CACNA1F: variants seen among roughly 807,000 people sequenced by gnomAD.
CACNA1F encodes the protein voltage-dependent L-type calcium channel subunit alpha-1F.
In CACNA1F, 59 loss-of-function variants were observed where a neutral mutation model predicts 143.8. That is an observed-to-expected ratio of 0.41 (90% CI 0.33 to 0.51). The LOEUF is 0.51. CACNA1F is among the 20% of genes least tolerant of loss of function. The probability of loss-of-function intolerance (pLI) is 0.22; values close to 1 mark genes in which losing one functional copy is unlikely to be tolerated. For missense variants in CACNA1F, 1,411 were observed against 1,647.5 expected (o/e 0.86, Z 2.48); for synonymous variants, 643 against 649.1 (o/e 0.99, Z 0.14).
Position 49,205,668 on chromosome X carries a change from T to C in CACNA1F, c.5618A>G (p.His1873Arg), listed in dbSNP as rs2065587174. 8.3e-7 allele frequency: 1 copy of C among 1,202,880 alleles called. No individual in the cohort carries two copies. The change falls in exon 47 of 48, where the codon CAC becomes CGC. Residue 1873 changes from histidine (H) to arginine (R), a missense_variant. Around this residue, in one of 3 missense-constraint regions of CACNA1F, gnomAD observed 349 missense variants for 350.2 expected, o/e 1.00. Coordinates refer to ENST00000323022, the MANE Select transcript of CACNA1F (RefSeq NM_001256789.3). Reference sequence around the variant, plus strand: ...CCTCTTCCCATGGCTGGGGTCCGAGTGGGTTCCAGGCACGTGCAGACAGGT... The same window carrying C: ...CCTCTTCCCATGGCTGGGGTCCGAGCGGGTTCCAGGCACGTGCAGACAGGT... ...TFTCLHVPGTHSDPSHGKRGS... is the reference protein window; with the variant it reads ...TFTCLHVPGTRSDPSHGKRGS...
rs187793423 is a variant in CACNA1F at position 49,206,975 on chromosome X, G to C, written c.5231+30C>G. ...CACCCCTCCTCCACCCCAGCTCATG[G>C]GTTCATCCCATGTGGCATGGCCAGT... is the stretch of plus-strand genomic sequence containing the variant. On this transcript the variant is annotated intron_variant, in intron 44 of 47. Transcript: ENST00000323022. 2.7e-6 allele frequency: 3 copies of C among 1,118,255 alleles called. No homozygotes were observed. The African/African-American group carries it at 5.4e-5, about 20-fold the overall frequency. The allele number at this position is 1,118,255 out of a possible 1,213,427, so 92.2% of individuals were successfully genotyped here.
intron 40 of CACNA1F, 64 bp from the exon 41 acceptor site, chrX:49,209,823 C>T: frequency 8.5e-7 from 1 of 1,181,131 alleles, no homozygotes; most frequent in Non-Finnish European, 1.2e-6. Context: ...ACCTCGCCGC[C>T]TCTCTACCCA....
Position 49,212,445 on chromosome X carries a change from G to A in CACNA1F, c.3943-137C>T, listed in dbSNP as rs1010047083. 58 of 607,893 alleles carry A rather than the reference G, an allele frequency of 9.5e-5. No homozygotes were observed. The Admixed American group carries it at 1.6e-3, about 17-fold the overall frequency. 50.1% of individuals were successfully genotyped at this position (607,893 alleles called of 1,213,427 possible). A position where few individuals can be genotyped will look rare whatever the true frequency, so the allele number is the denominator to read the frequency against. On this transcript the variant is annotated intron_variant, in intron 33 of 47. Coordinates refer to ENST00000323022, the MANE Select transcript of CACNA1F (RefSeq NM_001256789.3). The stretch of plus-strand genomic sequence containing the variant: ...CATCTCCAAAGTGCCAAGGACTGTG[G>A]TGTCTCTCAAATGTGAACATAGTGT...
Position 49,231,778 on chromosome X carries a change from T to C in CACNA1F, c.175A>G (p.Thr59Ala), listed in dbSNP as rs782151803. The C allele has an allele frequency of 3.6e-5, 44 of 1,210,144 alleles. No homozygotes were observed. The highest frequency in any genetic ancestry group is 8.7e-5 in the Admixed American group (4 of 45,793). Residue 59 changes from threonine (T) to alanine (A), a missense_variant, in exon 2 of 48, where the codon ACA (threonine) becomes GCA (alanine). Physicochemically the swap from Thr to Ala is moderately conservative, Grantham distance 58. Coordinates refer to ENST00000323022, the MANE Select transcript of CACNA1F (RefSeq NM_001256789.3). ...KRRNQHSKHK[T>A]VAVASAQRSP... ...CGCTGGGCACTGGCCACTGCCACTG[T>C]CTTGTGCTTGCTGTGCTGGTTTCTT...
In CACNA1F at chrX:49,213,860, C is replaced by T; in HGVS notation, c.3751G>A (p.Val1251Met). ...DAWNTFDALIVVGSIVDIAVT... is the reference protein window; with the variant it reads ...DAWNTFDALIMVGSIVDIAVT... ...GCAATATCCACTATGCTGCCCACCA[C>T]AATAAGAGCGTCAAACGTGTTCCAG... The change falls in exon 31 of 48, where the codon GTG becomes ATG. Residue 1251 changes from valine to methionine, a missense_variant. Physicochemically the swap from Val to Met is conservative, Grantham distance 21 (BLOSUM62 1). Coordinates refer to ENST00000323022, the MANE Select transcript of CACNA1F (RefSeq NM_001256789.3). The T allele has an allele frequency of 8.3e-7, 1 of 1,205,791 alleles. No individual in the cohort carries two copies.
At chrX:49,231,013 G>T (rs1557111222) in intron 3 of CACNA1F, 24 bp from the exon 4 acceptor site, 3 of 1,043,797 alleles carry the variant, frequency 2.9e-6, no homozygotes, top group Non-Finnish European at 4.0e-6. Context: ...CGGGGGGCGG[G>T]TCGGGAAGTC....
intron 42 of CACNA1F, 119 bp downstream of exon 42, chrX:49,209,143 C>T: frequency 1.2e-6 from 1 of 857,119 alleles, no homozygotes; most frequent in South Asian, 2.1e-5. Context: ...AAATATTTTT[C>T]TATTGCAGAG....
chrX:49,226,387 G>A (rs1165768744), intron 11 of CACNA1F, 22 bp downstream of exon 11: 6 of 1,170,872 alleles, frequency 5.1e-6, no homozygotes, highest in Non-Finnish European at 6.9e-6. Context: ...TCTGGGCTGG[G>A]TCAGGGGCTG....
Position 49,230,896 on chromosome X carries a change from T to C in CACNA1F, c.475A>G (p.Ile159Val), listed in dbSNP as rs145391935. 10 of 1,185,915 alleles carry C rather than the reference T, an allele frequency of 8.4e-6. No homozygotes were observed. Among genetic ancestry groups the C allele is most frequent in the African/African-American group, 7.1e-5 (4 of 56,192 alleles). ...YGLVLHPSAY[I>V]RNGWNLLDFI... is the part of the protein sequence containing the mutation. ...TCGAGTAGGTTCCAGCCATTGCGGA[T>C]GTAGGCGCTGGGGTGGAGCACCAGC... The change falls in exon 4 of 48, where the codon ATC becomes GTC. Residue 159 changes from isoleucine to valine, a missense_variant. This residue lies in a region of CACNA1F where 950 missense variants were observed against 1,128.1 expected (regional missense o/e 0.84). Coordinates refer to ENST00000323022, the MANE Select transcript of CACNA1F (RefSeq NM_001256789.3).
Position 49,205,184 on chromosome X carries a change from C to T in CACNA1F, c.5854G>A (p.Asp1952Asn), listed in dbSNP as rs145627424. ...SDEESILSRF[D>N]EEDLGDEMAC... ...ATCTCGTCTCCCAAGTCCTCCTCAT[C>T]GAAGCGGGAGAGGATGGACTCCTCG... is the stretch of plus-strand genomic sequence containing the variant. The change falls in exon 48 of 48, where the codon GAT becomes AAT. Residue 1952 changes from aspartate (D) to asparagine (N), a missense_variant. By Grantham distance (23) the Asp-to-Asn change is conservative. This residue lies in a region of CACNA1F where 349 missense variants were observed against 350.2 expected (regional missense o/e 1.00). Coordinates refer to ENST00000323022, the MANE Select transcript of CACNA1F (RefSeq NM_001256789.3). 10 of 1,211,092 alleles carry T rather than the reference C, an allele frequency of 8.3e-6. No individual in the cohort carries two copies. Among genetic ancestry groups the T allele is most frequent in the Non-Finnish European group, 1.1e-5 (10 of 895,002 alleles).
chrX:49,217,674 G>T, intron 26 of CACNA1F, 81 bp downstream of exon 26: 2 of 847,854 alleles, frequency 2.4e-6, no homozygotes, highest in Non-Finnish European at 3.5e-6. Flanking sequence ...CTATATCTTT[G>T]GGCCTTGGTG....
At chrX:49,214,020 G>A in intron 30 of CACNA1F, 118 bp from the exon 31 acceptor site, 2 of 630,108 alleles carry the variant, frequency 3.2e-6, no homozygotes, top group Non-Finnish European at 5.2e-6. Flanking sequence ...CACACGATGG[G>A]CCTGCACCTG....
At chrX:49,206,682 G>C in intron 45 of CACNA1F, 46 bp downstream of exon 45, 1 of 1,207,823 alleles carries the variant, frequency 8.3e-7, no homozygotes, top group Non-Finnish European at 1.1e-6. Flanking sequence ...CCAGATCTCT[G>C]TCCTGCAGGC....
intron 42 of CACNA1F, 197 bp downstream of exon 42, chrX:49,209,065 G>A (rs1753526658): frequency 2.2e-6 from 1 of 459,612 alleles, no homozygotes; most frequent in East Asian, 3.9e-5. Flanking sequence ...GGGTTCAAGC[G>A]ATCCTTCCAC....
At position 49,210,413 on chromosome X, in the gene CACNA1F, C is replaced by T. The variant is rs782483358; in HGVS notation, c.4486-10G>A. On this transcript the variant is annotated splice_polypyrimidine_tract_variant and intron_variant, in intron 38 of 47. Transcript: ENST00000323022. The stretch of plus-strand genomic sequence containing the variant: ...TCATTGCCACAAGTCTCTGCAAACA[C>T]GAGAGACATGAAACCCACTCTGGGA... 2 of 1,168,775 alleles carry T rather than the reference C, an allele frequency of 1.7e-6. No individual in the cohort carries two copies. Among genetic ancestry groups the T allele is most frequent in the South Asian group, 1.8e-5 (1 of 55,982 alleles).
Position 49,226,358 on chromosome X carries a change from G to C in CACNA1F, c.1463+51C>G, listed in dbSNP as rs782053890. ...GCTTGAGGCTAAAGAAAGGACTTGAGTCAGGGTTTGGACTGGCTTCTGGGC... is the reference window on the plus strand; with the variant it reads ...GCTTGAGGCTAAAGAAAGGACTTGACTCAGGGTTTGGACTGGCTTCTGGGC... On this transcript the variant is annotated intron_variant, in intron 11 of 47. Coordinates refer to ENST00000323022, the MANE Select transcript of CACNA1F (RefSeq NM_001256789.3). 18 of 1,146,751 alleles carry C rather than the reference G, an allele frequency of 1.6e-5. No homozygotes were observed. In the South Asian group the frequency reaches 3.0e-4, roughly 19 times the overall value. The allele number at this position is 1,146,751 out of a possible 1,213,427, so 94.5% of individuals were successfully genotyped here. A position where few individuals can be genotyped will look rare whatever the true frequency, so the allele number is the denominator to read the frequency against.
In CACNA1F at chrX:49,215,503, C is replaced by G; in HGVS notation, c.3277G>C (p.Gly1093Arg). The G allele has an allele frequency of 8.3e-7, 1 of 1,205,982 alleles. No homozygotes were observed. The highest frequency in any genetic ancestry group is 1.1e-6 in the Non-Finnish European group (1 of 892,217). The change falls in exon 28 of 48, where the codon GGC becomes CGC. Residue 1093 changes from glycine (G) to arginine (R), a missense_variant. By Grantham distance (125) the Gly-to-Arg change is moderately radical. This residue lies in a region of CACNA1F where 950 missense variants were observed against 1,128.1 expected (regional missense o/e 0.84). Coordinates refer to ENST00000323022, the MANE Select transcript of CACNA1F (RefSeq NM_001256789.3). ...TCCACACGGTAATTATAGATGGGGCCGTGGTCCTCTGCATATGCATCGATG... is the reference window on the plus strand; with the variant it reads ...TCCACACGGTAATTATAGATGGGGCGGTGGTCCTCTGCATATGCATCGATG... ...KAIDAYAEDHGPIYNYRVEIS... is the reference protein window; with the variant it reads ...KAIDAYAEDHRPIYNYRVEIS...
rs782273072 is a variant in CACNA1F at position 49,224,866 on chromosome X, C to T, written c.1772G>A (p.Cys591Tyr). 17 of 1,204,627 alleles carry T rather than the reference C, an allele frequency of 1.4e-5. No individual in the cohort carries two copies. In the South Asian group the frequency reaches 3.0e-4, roughly 21 times the overall value. The change falls in exon 14 of 48, where the codon TGT becomes TAT. Residue 591 changes from cysteine (C) to tyrosine (Y), a missense_variant. By Grantham distance (194) the Cys-to-Tyr change is radical. Around this residue, in one of 3 missense-constraint regions of CACNA1F, gnomAD observed 950 missense variants for 1,128.1 expected, o/e 0.84. Coordinates refer to ENST00000323022, the MANE Select transcript of CACNA1F (RefSeq NM_001256789.3). The stretch of plus-strand genomic sequence containing the variant: ...CAAGGTGGTCTCTAGGATGCCCCCA[C>T]AGACCACAAAGCAGTCAAAGCGGTT... ...FFNRFDCFVV[C>Y]GGILETTLVE...
rs782016299 is a variant in CACNA1F, at chrX:49,213,876, C to T, written c.3735G>A (p.Thr1245=). Residue 1245 remains threonine (T), a synonymous_variant, in exon 31 of 48, where the codon ACG becomes ACA. Transcript: ENST00000323022. ...PKHYFTDAWN[T]FDALIVVGSI... ...TGCCCACCACAATAAGAGCGTCAAA[C>T]GTGTTCCAGGCATCAGTGAAGTAAT... 38 of 1,200,838 alleles carry T rather than the reference C, an allele frequency of 3.2e-5. No individual in the cohort carries two copies. The highest frequency in any genetic ancestry group is 3.0e-5 in the East Asian group (1 of 33,727).
Sources: allele counts gnomAD v4.1 joint callset, GRCh38; gene constraint gnomAD v4.1.1; regional missense constraint gnomAD v4.1.1; transcripts MANE v1.5; gene names NCBI Gene and HGNC (gene_info 2026-07-23, HGNC 2026-07-21).